ESRRG: variants seen among roughly 807,000 people sequenced by gnomAD.
The protein encoded by ESRRG is estrogen related receptor gamma.
In ESRRG, 13 loss-of-function variants were observed where a neutral mutation model predicts 44.0. The observed-to-expected ratio is 0.30, with a 90% confidence interval of 0.19 to 0.47. ESRRG has a LOEUF of 0.47. Ranked by LOEUF, ESRRG falls within the 20% of genes least tolerant of loss-of-function variation. The pLI is 1.00. For synonymous variants in ESRRG, 215 were observed against 214.6 expected (o/e 1.00, Z -0.02); for missense variants, 395 against 580.6 (o/e 0.68, Z 3.29).
chr1:216,925,456 A>G (rs1477131612), intron 2 of ESRRG, among the ~76,000 whole-genome samples: 1 of 152,014 alleles, frequency 6.6e-6, no homozygotes, highest in African/African-American at 2.4e-5. Context: ...AACAACAATA[A>G]CAATGACAAA....
chr1:216,641,893 G>A (rs1344137166), intron 3 of ESRRG, among the ~76,000 whole-genome samples: 3 of 152,140 alleles, frequency 2.0e-5, no homozygotes, highest in African/African-American at 7.2e-5. Flanking sequence ...CACAGTGCTG[G>A]GAAACTTATT....
chr1:216,727,148 A>T (rs1454287546), upstream of ESRRG, among the ~76,000 whole-genome samples: 1 of 152,200 alleles, frequency 6.6e-6, no homozygotes, highest in East Asian at 1.9e-4. Context: ...TTTATATTAC[A>T]CATTCATCAT....
chr1:216,950,744 T>C (rs1158872063), intron 1 of ESRRG, among the ~76,000 whole-genome samples: 1 of 152,198 alleles, frequency 6.6e-6, no homozygotes, highest in African/African-American at 2.4e-5. Context: ...TTTTACACAA[T>C]TATTGAAGAT....
intron 1 of ESRRG, among the ~76,000 whole-genome samples, chr1:217,013,328 G>A (rs539369512): frequency 3.2e-4 from 48 of 152,306 alleles, no homozygotes; most frequent in African/African-American, 1.1e-3. Flanking sequence ...GGATGTCAAA[G>A]GGGTGTTTGA....
chr1:216,712,479 G>A (rs1343454117), intron 1 of ESRRG, among the ~76,000 whole-genome samples: 5 of 152,194 alleles, frequency 3.3e-5, no homozygotes, highest in Non-Finnish European at 7.3e-5. Flanking sequence ...ATGATATTTA[G>A]TGTTTTGCAT....
intron 3 of ESRRG, among the ~76,000 whole-genome samples, chr1:216,615,514 C>T (rs1411545193): frequency 6.6e-6 from 1 of 152,150 alleles, no homozygotes; most frequent in African/African-American, 2.4e-5. Flanking sequence ...CAGCTAGCTA[C>T]AGGGAAGACC....
At chr1:216,902,770 C>T (rs761160573) in intron 2 of ESRRG, among the ~76,000 whole-genome samples, 21 of 152,196 alleles carry the variant, frequency 1.4e-4, no homozygotes, top group Non-Finnish European at 2.1e-4. Context: ...ACACTCAGTT[C>T]CTAGGCTGCA....
intron 2 of ESRRG, among the ~76,000 whole-genome samples, chr1:216,747,703 C>T (rs181612160): frequency 2.6e-5 from 4 of 152,212 alleles, no homozygotes; most frequent in South Asian, 2.1e-4. Flanking sequence ...TTGAGCGAAA[C>T]GTTCAATCAT....
At chr1:216,973,267 C>T (rs2072093328) in intron 1 of ESRRG, among the ~76,000 whole-genome samples, 2 of 152,176 alleles carry the variant, frequency 1.3e-5, no homozygotes, top group South Asian at 4.1e-4. Flanking sequence ...TGAGCCTACA[C>T]ACCCTGCAGT....
chr1:216,797,810 G>C (rs370616735), intron 2 of ESRRG, among the ~76,000 whole-genome samples: 277 of 152,192 alleles, frequency 1.8e-3, no homozygotes, highest in African/African-American at 6.3e-3. Flanking sequence ...TGTTTGGCCA[G>C]CTTCTCCACT....
At chr1:216,997,292 G>A (rs995726102) in intron 1 of ESRRG, among the ~76,000 whole-genome samples, 2 of 152,078 alleles carry the variant, frequency 1.3e-5, no homozygotes, top group African/African-American at 4.8e-5. Context: ...AAAACACTTG[G>A]CCTCTCAAGA....
chr1:216,670,184 T>C (rs2074885401), intron 2 of ESRRG, among the ~76,000 whole-genome samples: 1 of 152,228 alleles, frequency 6.6e-6, no homozygotes, highest in South Asian at 2.1e-4. Context: ...TAAGTTCTTA[T>C]TTTCTCTATG....
At chr1:216,681,191 A>C (rs901460210) in intron 1 of ESRRG, among the ~76,000 whole-genome samples, 1 of 152,208 alleles carries the variant, frequency 6.6e-6, no homozygotes, top group Non-Finnish European at 1.5e-5. Flanking sequence ...CCAGCTAACT[A>C]ACTCCCTTCC....
At chr1:217,132,034 T>C (rs2092973780) in intron 1 of ESRRG, among the ~76,000 whole-genome samples, 2 of 152,156 alleles carry the variant, frequency 1.3e-5, no homozygotes, top group Admixed American at 6.5e-5. Context: ...TTGCTGGAGC[T>C]CTGGAGTTGC....
intron 3 of ESRRG, among the ~76,000 whole-genome samples, chr1:216,635,130 C>T (rs905491500): frequency 6.6e-6 from 1 of 152,102 alleles, no homozygotes; most frequent in Non-Finnish European, 1.5e-5. Context: ...GATATAAGTG[C>T]CACACAGAAT....
intron 2 of ESRRG, among the ~76,000 whole-genome samples, chr1:216,900,133 C>A (rs950357001): frequency 4.6e-5 from 7 of 152,088 alleles, no homozygotes; most frequent in African/African-American, 1.7e-4. Flanking sequence ...GCTTTTATAA[C>A]CTCATTATAA....
chr1:216,779,235 AAATATATATTT>A (rs2093756963), intron 2 of ESRRG, among the ~76,000 whole-genome samples: 2 of 56,906 alleles, frequency 3.5e-5, no homozygotes, highest in African/African-American at 1.0e-4. Flanking sequence ...TTATAAATAT[AAATATATATTT>A]ATATTTATAA....
intron 5 of ESRRG, among the ~76,000 whole-genome samples, chr1:216,543,771 G>A (rs1212673355): frequency 6.6e-5 from 10 of 151,960 alleles, no homozygotes; most frequent in African/African-American, 2.2e-4. Context: ...TGTTTAACAC[G>A]ATAATGACAA....
chr1:216,896,991 CT>C (rs1201913050), intron 2 of ESRRG, among the ~76,000 whole-genome samples: 1 of 152,224 alleles, frequency 6.6e-6, no homozygotes, highest in South Asian at 2.1e-4. Flanking sequence ...GCAGAGCCAT[CT>C]TTTTTTGCCA....
Sources: gnomAD v4.1 joint callset for allele counts (sites outside exome capture counted in the v4.1 genomes callset) on GRCh38, gnomAD v4.1.1 for gene constraint, MANE v1.5 for transcripts, NCBI Gene and HGNC (gene_info 2026-07-23, HGNC 2026-07-21) for gene names.